RBFOX1: variants seen among roughly 807,000 people sequenced by gnomAD.
RBFOX1 encodes the protein RNA binding fox-1 homolog 1, also known as RNA binding protein fox-1 homolog 1.
In RBFOX1, 8 loss-of-function variants were observed where a neutral mutation model predicts 57.7. The observed-to-expected ratio is 0.14, with a 90% CI of 0.08 to 0.25. The LOEUF (loss-of-function observed/expected upper bound fraction) is 0.25. RBFOX1 is among the 10% of genes least tolerant of loss of function. The pLI is 1.00. For synonymous variants in RBFOX1, 326 were observed against 222.4 expected, an observed-to-expected ratio of 1.47 and a Z score of -4.15; for missense variants, 611 against 548.5, an observed-to-expected ratio of 1.11 and a Z score of -1.14.
intron 3 of RBFOX1, among the ~76,000 whole-genome samples, chr16:6,892,961 C>T (rs982677677): frequency 3.3e-5 from 5 of 152,076 alleles, no homozygotes; most frequent in African/African-American, 1.2e-4. Flanking sequence ...TCTGCTTTTG[C>T]CTTGATCTAG....
chr16:7,299,955 A>C (rs2095991663), intron 4 of RBFOX1, among the ~76,000 whole-genome samples: 2 of 152,246 alleles, frequency 1.3e-5, no homozygotes, highest in Non-Finnish European at 2.9e-5. Flanking sequence ...CCCCATCGCA[A>C]GTCAGGGACC....
At chr16:5,590,880 A>C (rs1322165942) in intron 2 of RBFOX1, among the ~76,000 whole-genome samples, 1 of 152,180 alleles carries the variant, frequency 6.6e-6, no homozygotes, top group South Asian at 2.1e-4. Flanking sequence ...GGTGGCTTGC[A>C]TGCTGTTTAT....
intron 3 of RBFOX1, among the ~76,000 whole-genome samples, chr16:7,039,571 C>G (rs1187843404): frequency 6.6e-6 from 1 of 152,080 alleles, no homozygotes; most frequent in South Asian, 2.1e-4. Context: ...TAAGCATTTA[C>G]TAGTGTAACA....
At chr16:5,287,298 CG>C (rs1374737341) in intron 1 of RBFOX1, among the ~76,000 whole-genome samples, 1 of 150,850 alleles carries the variant, frequency 6.6e-6, no homozygotes, top group East Asian at 1.9e-4. Flanking sequence ...AGTGAGACCC[CG>C]TTTCAAAAAA....
intron 2 of RBFOX1, among the ~76,000 whole-genome samples, chr16:6,339,591 G>A (rs528776796): frequency 1.3e-5 from 2 of 152,226 alleles, no homozygotes; most frequent in East Asian, 1.9e-4. Context: ...AAACTGGTTG[G>A]CATCAGCTGT....
At chr16:7,142,154 G>A (rs1445836543) in intron 4 of RBFOX1, among the ~76,000 whole-genome samples, 1 of 152,036 alleles carries the variant, frequency 6.6e-6, no homozygotes, top group Non-Finnish European at 1.5e-5. Flanking sequence ...CTCCCAAGTA[G>A]CTGGGACTGC....
intron 4 of RBFOX1, among the ~76,000 whole-genome samples, chr16:7,235,419 C>G (rs759290297): frequency 3.9e-5 from 6 of 152,164 alleles, no homozygotes; most frequent in Non-Finnish European, 8.8e-5. Flanking sequence ...AAAGAACAGA[C>G]AGAGATGTAG....
intron 4 of RBFOX1, among the ~76,000 whole-genome samples, chr16:7,364,175 G>A (rs779293512): frequency 3.9e-5 from 6 of 152,260 alleles, no homozygotes; most frequent in South Asian, 2.1e-4. Flanking sequence ...CTCAGCTTAC[G>A]TCTGACGAGC....
chr16:7,699,352 C>T (rs1030783435), intron 14 of RBFOX1, among the ~76,000 whole-genome samples: 2 of 152,170 alleles, frequency 1.3e-5, no homozygotes, highest in Non-Finnish European at 2.9e-5. Context: ...CTACCACACC[C>T]AGCTGATATC....
chr16:5,271,619 C>T (rs529402680), intron 1 of RBFOX1, among the ~76,000 whole-genome samples: 9 of 152,352 alleles, frequency 5.9e-5, no homozygotes, highest in East Asian at 1.9e-4. Flanking sequence ...CTCACAGCAA[C>T]GTCCTTAGAA....
At chr16:6,202,253 A>T (rs1427982496) in intron 1 of RBFOX1, among the ~76,000 whole-genome samples, 1 of 152,164 alleles carries the variant, frequency 6.6e-6, no homozygotes, top group African/African-American at 2.4e-5. Flanking sequence ...CTGTTCTCTT[A>T]TCTCAGGTAT....
chr16:5,998,490 T>G (rs1290398464), intron 4 of RBFOX1, among the ~76,000 whole-genome samples: 2 of 152,224 alleles, frequency 1.3e-5, no homozygotes, highest in East Asian at 3.8e-4. Flanking sequence ...TTCGGACATT[T>G]CTAGGGCTAG....
At chr16:7,385,680 A>C (rs1377811927) in intron 4 of RBFOX1, among the ~76,000 whole-genome samples, 2 of 152,256 alleles carry the variant, frequency 1.3e-5, no homozygotes, top group African/African-American at 2.4e-5. Flanking sequence ...CAGGGATGCA[A>C]CTGGCAGATG....
At chr16:7,219,140 C>A (rs543067603) in intron 4 of RBFOX1, among the ~76,000 whole-genome samples, 2 of 152,240 alleles carry the variant, frequency 1.3e-5, no homozygotes, top group East Asian at 1.9e-4. Context: ...CAGCCCTGCT[C>A]GGAGTAGCCT....
intron 2 of RBFOX1, among the ~76,000 whole-genome samples, chr16:6,550,094 C>G (rs543852429): frequency 2.4e-4 from 37 of 152,292 alleles, no homozygotes; most frequent in African/African-American, 6.5e-4. Flanking sequence ...GTGCCTCCAG[C>G]TGAAACATTT....
chr16:7,023,086 C>G (rs919343284), intron 3 of RBFOX1, among the ~76,000 whole-genome samples: 8 of 152,014 alleles, frequency 5.3e-5, no homozygotes, highest in African/African-American at 1.4e-4. Context: ...AAAAGCCCAG[C>G]CAGTGCAAAG....
chr16:6,185,963 C>A (rs796954811), intron 1 of RBFOX1, among the ~76,000 whole-genome samples: 11 of 152,240 alleles, frequency 7.2e-5, no homozygotes, highest in African/African-American at 2.4e-4. Flanking sequence ...TTCTTTCTTA[C>A]CTAAATAGCT....
chr16:7,567,722 A>G (rs1363099187), intron 5 of RBFOX1, among the ~76,000 whole-genome samples: 1 of 79,934 alleles, frequency 1.3e-5, no homozygotes, highest in African/African-American at 4.2e-5. Flanking sequence ...ATATATATAT[A>G]TCCCTATATA....
At position 6,019,952 on chromosome 16, in the gene RBFOX1, G is replaced by C; in HGVS notation, c.-167G>C. 1 of 1,532,922 alleles carries C rather than the reference G, an allele frequency of 6.5e-7. No individual in the cohort carries two copies. Among genetic ancestry groups the C allele is most frequent in the Non-Finnish European group, 8.7e-7 (1 of 1,144,964 alleles). 95.0% of individuals were successfully genotyped at this position (1,532,922 alleles called of 1,614,324 possible). ...GCGCACGGGAATTCGGGGGTCTGGG[G>C]CCGAGAACGTGACCGCAGCCGGGCT... On this transcript the variant is annotated 5_prime_UTR_variant, in exon 1 of 16. Transcript: ENST00000550418. This position sits in a 1 kb window ranked among gnomAD's most constrained non-coding sequence, Gnocchi z 4.2.
Sources: gnomAD v4.1 joint callset for allele counts (sites outside exome capture counted in the v4.1 genomes callset) on GRCh38, gnomAD v4.1.1 for gene constraint, Gnocchi (gnomAD v3.1) non-coding constraint, MANE v1.5 for transcripts, NCBI Gene and HGNC (gene_info 2026-07-23, HGNC 2026-07-21) for gene names.